ADAMTS17: variants seen among roughly 807,000 people sequenced by gnomAD.
The protein encoded by ADAMTS17 is A disintegrin and metalloproteinase with thrombospondin motifs 17.
Under a neutral mutation model 141.5 loss-of-function variants are expected in ADAMTS17, and 113 were observed. The observed-to-expected ratio is 0.80, with a 90% CI of 0.69 to 0.93. The LOEUF (loss-of-function observed/expected upper bound fraction) is 0.93. Among genes scored for constraint, ADAMTS17 ranks in the 40% least tolerant of loss-of-function variants. The pLI is 0.00. For missense variants in ADAMTS17, 1,659 were observed against 1,517.9 expected, an observed-to-expected ratio of 1.09 and a Z score of -1.54; for synonymous variants, 768 against 630.6, an observed-to-expected ratio of 1.22 and a Z score of -3.27.
At chr15:100,293,571 G>T (rs1377182851) in intron 3 of ADAMTS17, among the ~76,000 whole-genome samples, 2 of 152,190 alleles carry the variant, frequency 1.3e-5, no homozygotes, top group Non-Finnish European at 2.9e-5. Context: ...GTCACCCAGT[G>T]TGCCCCAGGA....
In ADAMTS17 at chr15:100,091,846, T is replaced by C. The variant is rs187757776; in HGVS notation, c.2137+4510A>G. ...GAGAGGCATTTGTTTTATTTTTCTC[T>C]TCTTACAAAAGTTATTCACAAGAAT... On this transcript the variant is annotated intron_variant, in intron 15 of 21. Coordinates refer to ENST00000268070, the MANE Select transcript of ADAMTS17 (RefSeq NM_139057.4). Among the ~76,000 whole-genome samples, 248 of 152,326 alleles carry C rather than the reference T, an allele frequency of 1.6e-3. 2 individuals carry two copies. Among genetic ancestry groups the C allele is most frequent in the Middle Eastern group, 6.8e-3 (2 of 294 alleles).
chr15:100,050,045 TG>T (rs2032019552), intron 17 of ADAMTS17, among the ~76,000 whole-genome samples: 1 of 152,230 alleles, frequency 6.6e-6, no homozygotes, highest in South Asian at 2.1e-4. Flanking sequence ...GCTGGGTCTG[TG>T]TCCTGGGCAA....
intron 10 of ADAMTS17, among the ~76,000 whole-genome samples, chr15:100,136,340 A>G (rs1208501159): frequency 6.6e-6 from 1 of 152,226 alleles, no homozygotes; most frequent in African/African-American, 2.4e-5. Context: ...CGGGAATGAC[A>G]GCAAAGGAGA....
chr15:100,058,374 C>A (rs971622674), intron 15 of ADAMTS17, among the ~76,000 whole-genome samples: 26 of 151,640 alleles, frequency 1.7e-4, no homozygotes, highest in Non-Finnish European at 3.7e-4. Flanking sequence ...ACCCTCCTAT[C>A]CCAGCTCTAA....
chr15:100,012,455 G>C (rs1420573972), intron 18 of ADAMTS17, among the ~76,000 whole-genome samples: 1 of 151,868 alleles, frequency 6.6e-6, no homozygotes, highest in Admixed American at 6.6e-5. Flanking sequence ...TGAAATCCTT[G>C]CCTAAGCCAA....
intron 18 of ADAMTS17, among the ~76,000 whole-genome samples, chr15:100,000,561 T>C (rs1420241798): frequency 3.3e-5 from 5 of 152,206 alleles, no homozygotes; most frequent in Admixed American, 2.0e-4. Flanking sequence ...TCACCCAGGC[T>C]GGAGCGCAAT....
chr15:100,222,537 G>A (rs1029528784), intron 7 of ADAMTS17, among the ~76,000 whole-genome samples: 3 of 152,200 alleles, frequency 2.0e-5, no homozygotes, highest in African/African-American at 7.2e-5. Flanking sequence ...GGTGGCCTCC[G>A]TGTCCCCCCT....
chr15:100,076,922 C>T (rs1229155045), intron 15 of ADAMTS17, among the ~76,000 whole-genome samples: 1 of 152,032 alleles, frequency 6.6e-6, no homozygotes, highest in African/African-American at 2.4e-5. Context: ...ATGTATAGCT[C>T]TATTTTTTTG....
At chr15:100,312,147 G>A (rs139558206) in intron 3 of ADAMTS17, among the ~76,000 whole-genome samples, 275 of 152,332 alleles carry the variant, frequency 1.8e-3, no homozygotes, top group African/African-American at 6.3e-3. Flanking sequence ...CATGGTAAAC[G>A]GGGCTTTGCA....
At chr15:100,155,146 T>G (rs2039372176) in intron 9 of ADAMTS17, 34 bp downstream of exon 9, 2 of 1,614,036 alleles carry the variant, frequency 1.2e-6, no homozygotes, top group South Asian at 2.2e-5. Context: ...TACTTTTGAT[T>G]GCATTCATCC....
chr15:100,073,292 G>C (rs36161800), intron 15 of ADAMTS17, among the ~76,000 whole-genome samples: 27,120 of 152,122 alleles, frequency 0.18, 2,873 homozygotes, highest in East Asian at 0.51. Flanking sequence ...TGGAGAAATA[G>C]GAACACTTTT....
intron 8 of ADAMTS17, among the ~76,000 whole-genome samples, chr15:100,192,378 G>A (rs960309458): frequency 6.6e-6 from 1 of 152,208 alleles, no homozygotes; most frequent in Non-Finnish European, 1.5e-5. Flanking sequence ...ATCCCTTCCT[G>A]GGGGGAGGCA....
At chr15:100,148,715 A>G (rs2039023508) in intron 10 of ADAMTS17, among the ~76,000 whole-genome samples, 1 of 151,750 alleles carries the variant, frequency 6.6e-6, no homozygotes, top group Non-Finnish European at 1.5e-5. Flanking sequence ...AGATTTCTTC[A>G]TGTTTCTTGT....
intron 15 of ADAMTS17, among the ~76,000 whole-genome samples, chr15:100,093,444 G>A (rs954288430): frequency 3.3e-5 from 5 of 151,968 alleles, no homozygotes; most frequent in African/African-American, 1.2e-4. Context: ...CATTCTTTAG[G>A]GGCAAGCAGA....
intron 3 of ADAMTS17, among the ~76,000 whole-genome samples, chr15:100,310,102 G>T (rs927982147): frequency 7.9e-5 from 12 of 152,154 alleles, no homozygotes; most frequent in Admixed American, 7.9e-4. Flanking sequence ...ACTCAGAGGC[G>T]AGCCAAGCAG....
chr15:100,185,816 G>A (rs1013511676), intron 8 of ADAMTS17, among the ~76,000 whole-genome samples: 1 of 152,120 alleles, frequency 6.6e-6, no homozygotes, highest in African/African-American at 2.4e-5. Flanking sequence ...CGTGCTTCTG[G>A]CTCCTGAAGT....
At chr15:100,214,298 A>T (rs1012923884) in intron 7 of ADAMTS17, among the ~76,000 whole-genome samples, 4 of 152,188 alleles carry the variant, frequency 2.6e-5, no homozygotes, top group Non-Finnish European at 5.9e-5. Context: ...CTCATCGCAC[A>T]TTATCTTTGC....
intron 13 of ADAMTS17, among the ~76,000 whole-genome samples, chr15:100,113,820 C>T (rs2036940371): frequency 6.6e-6 from 1 of 152,206 alleles, no homozygotes; most frequent in African/African-American, 2.4e-5. Flanking sequence ...AGGCTCAGAC[C>T]TGGGGGGTTC....
chr15:100,115,707 A>G (rs1316249901), intron 13 of ADAMTS17, among the ~76,000 whole-genome samples: 1 of 152,196 alleles, frequency 6.6e-6, no homozygotes, highest in African/African-American at 2.4e-5. Context: ...GGCTCTTCCC[A>G]TCACAGGGAA....
Sources: gnomAD v4.1 joint callset for allele counts (sites outside exome capture counted in the v4.1 genomes callset) on GRCh38, gnomAD v4.1.1 for gene constraint, MANE v1.5 for transcripts, NCBI Gene and HGNC (gene_info 2026-07-23, HGNC 2026-07-21) for gene names.